Variants in MEI1 observed in about 807,000 individuals in gnomAD.
The protein encoded by MEI1 is meiosis inhibitor protein 1.
Under a neutral mutation model 146.2 loss-of-function variants are expected in MEI1, and 103 were observed. The ratio of observed to expected loss-of-function variants is 0.70; its 90% CI spans 0.60 to 0.83. The LOEUF (loss-of-function observed/expected upper bound fraction) is 0.83. MEI1 is among the 40% of genes least tolerant of loss of function. The pLI is 0.00. For missense variants in MEI1, 1,529 were observed against 1,533.0 expected (o/e 1.00, Z 0.04); for synonymous variants, 652 against 628.2 (o/e 1.04, Z -0.57).
At chr22:41,784,499 A>G (rs1173253892) in intron 25 of MEI1, 79 bp downstream of exon 25, 16 of 1,585,128 alleles carry the variant, frequency 1.0e-5, no homozygotes, top group Non-Finnish European at 1.3e-5. Flanking sequence ...TGACCAGCCA[A>G]TGGTCACTCC....
chr22:41,744,710 G>A (rs1168885972), intron 12 of MEI1, among the ~76,000 whole-genome samples: 1 of 35,944 alleles, frequency 2.8e-5, no homozygotes, highest in Admixed American at 1.5e-4. Context: ...GTTTTAGCCG[G>A]GATGGTCTCG....
At chr22:41,776,500 T>C (rs2075442612) in intron 21 of MEI1, among the ~76,000 whole-genome samples, 1 of 152,224 alleles carries the variant, frequency 6.6e-6, no homozygotes, top group Middle Eastern at 3.2e-3. Context: ...GTGTTTGATG[T>C]GTGCATGCAT....
intron 7 of MEI1, among the ~76,000 whole-genome samples, chr22:41,725,172 C>T (rs1409600346): frequency 6.6e-6 from 1 of 151,530 alleles, no homozygotes; most frequent in Non-Finnish European, 1.5e-5. Flanking sequence ...TGTGCAGTGG[C>T]GTGATCTTGG....
chr22:41,790,119 G>A (rs751319173), intron 26 of MEI1, among the ~76,000 whole-genome samples: 1 of 152,128 alleles, frequency 6.6e-6, no homozygotes, highest in Non-Finnish European at 1.5e-5. Context: ...CTCTCATTCT[G>A]TTGTCCAGGC....
intron 20 of MEI1, among the ~76,000 whole-genome samples, chr22:41,773,331 A>G (rs1315090475): frequency 6.6e-6 from 1 of 152,188 alleles, no homozygotes; most frequent in East Asian, 1.9e-4. Context: ...CCCACAGAAA[A>G]TGGAGAAAAC....
At chr22:41,730,823 C>G (rs574145432) in intron 9 of MEI1, among the ~76,000 whole-genome samples, 186 bp downstream of exon 9, 2 of 152,108 alleles carry the variant, frequency 1.3e-5, no homozygotes, top group South Asian at 2.1e-4. Context: ...TTCTGCTGTT[C>G]GCTGATTATC....
intron 18 of MEI1, among the ~76,000 whole-genome samples, chr22:41,758,760 C>T (rs1441109245): frequency 6.6e-6 from 1 of 152,180 alleles, no homozygotes; most frequent in Non-Finnish European, 1.5e-5. Flanking sequence ...GTGAGTATTC[C>T]TTGCTATCCT....
At chr22:41,725,593 C>T (rs1206678335) in intron 7 of MEI1, among the ~76,000 whole-genome samples, 2 of 152,224 alleles carry the variant, frequency 1.3e-5, no homozygotes, top group African/African-American at 4.8e-5. Context: ...CACCCCACAA[C>T]CCAGTGCTCC....
intron 19 of MEI1, chr22:41,767,452 C>G: frequency 2.6e-6 from 1 of 383,648 alleles, no homozygotes; most frequent in Non-Finnish European, 5.6e-6. Context: ...GGAGGAGATA[C>G]ACACTGATGT....
rs1446523656 is a variant in MEI1 at position 41,763,329 on chromosome 22, C to T, written c.2268+8C>T. 1.2e-6 allele frequency: 2 copies of T among 1,612,990 alleles called. No individual in the cohort carries two copies. Among genetic ancestry groups the T allele is most frequent in the Non-Finnish European group, 1.7e-6 (2 of 1,179,420 alleles). On this transcript the variant is annotated splice_region_variant and intron_variant, in intron 19 of 30. Transcript: ENST00000401548. Reference sequence around the variant, plus strand: ...GACAATACACTACGTGAGGTATGGACCACAATGCCTGGGCTCCTTGTCCTT... The same window carrying T: ...GACAATACACTACGTGAGGTATGGATCACAATGCCTGGGCTCCTTGTCCTT...
At chr22:41,725,475 A>G (rs768217595) in intron 7 of MEI1, among the ~76,000 whole-genome samples, 1 of 152,214 alleles carries the variant, frequency 6.6e-6, no homozygotes, top group African/African-American at 2.4e-5. Context: ...GAATACTTAC[A>G]GCAATAGAAA....
At chr22:41,739,864 T>C (rs947601676) in intron 11 of MEI1, among the ~76,000 whole-genome samples, 1 of 151,914 alleles carries the variant, frequency 6.6e-6, no homozygotes. Flanking sequence ...AGCAAAACAT[T>C]TGGGTTCGAG....
At chr22:41,739,269 C>G (rs1207564395) in intron 11 of MEI1, among the ~76,000 whole-genome samples, 3 of 152,096 alleles carry the variant, frequency 2.0e-5, no homozygotes, top group Non-Finnish European at 4.4e-5. Flanking sequence ...TTTGTCTTCT[C>G]TACATGTCCT....
At position 41,752,608 on chromosome 22, in the gene MEI1, C is replaced by T. The variant is rs550875757; in HGVS notation, c.1810C>T (p.Arg604Ter). 2.1e-5 allele frequency: 34 copies of T among 1,599,318 alleles called. No individual in the cohort carries two copies. The highest frequency in any genetic ancestry group is 3.5e-5 in the Admixed American group (2 of 57,866). The change falls in exon 16 of 31, where the codon CGA (arginine) becomes TGA (stop). Residue 604 changes from arginine to a stop codon, truncating the protein, a stop_gained. Coordinates refer to ENST00000401548, the MANE Select transcript of MEI1 (RefSeq NM_152513.4). LOFTEE classifies it high-confidence loss of function. ...SKKLASSSFI[R>*]LTLELKARFC... ...CTCTGAAGCTTCCTCATCCTTCATA[C>T]GACTGACCCTGGAGCTGAAGGCCAG...
At chr22:41,705,784 T>G (rs543779662) in intron 3 of MEI1, among the ~76,000 whole-genome samples, 12 of 151,550 alleles carry the variant, frequency 7.9e-5, no homozygotes, top group African/African-American at 2.9e-4. Flanking sequence ...CTCAGCTCAC[T>G]GCAACCTCTG....
chr22:41,749,679 A>G (rs1379157560), intron 15 of MEI1, among the ~76,000 whole-genome samples: 1 of 152,232 alleles, frequency 6.6e-6, no homozygotes, highest in Admixed American at 6.5e-5. Context: ...AGTGTGGACT[A>G]TGAGTTAGAG....
At chr22:41,773,467 C>T (rs1356642531) in intron 20 of MEI1, among the ~76,000 whole-genome samples, 3 of 151,030 alleles carry the variant, frequency 2.0e-5, no homozygotes, top group Non-Finnish European at 4.4e-5. Context: ...AATTGAATTG[C>T]CCAAGGTCAT....
Position 41,730,657 on chromosome 22 carries a change from T to C in MEI1, c.1096+20T>C. 1 of 1,566,672 alleles carries C rather than the reference T, an allele frequency of 6.4e-7. No homozygotes were observed. The highest frequency in any genetic ancestry group is 8.8e-7 in the Non-Finnish European group (1 of 1,137,006). On this transcript the variant is annotated intron_variant, in intron 9 of 30. Transcript: ENST00000401548. The stretch of plus-strand genomic sequence containing the variant: ...TGTATGGTTGGTAGTAAGGGTCCTG[T>C]ACTAGCTTTGGGTTGGGTGGACGGC...
chr22:41,726,917 G>C (rs933963541), intron 7 of MEI1, among the ~76,000 whole-genome samples: 2 of 151,794 alleles, frequency 1.3e-5, no homozygotes, highest in African/African-American at 4.8e-5. Context: ...GGGACTACAG[G>C]CGCCCGCCAC....
Sources: allele counts gnomAD v4.1 joint callset (sites outside exome capture counted in the v4.1 genomes callset), GRCh38; gene constraint gnomAD v4.1.1; transcripts MANE v1.5; gene names NCBI Gene and HGNC (gene_info 2026-07-23, HGNC 2026-07-21).